LPIN1: variants seen among roughly 807,000 people sequenced by gnomAD.
LPIN1 encodes the protein phosphatidate phosphatase LPIN1.
Under a neutral mutation model 107.5 loss-of-function variants are expected in LPIN1, and 71 were observed. The observed-to-expected ratio is 0.66, with a 90% CI of 0.55 to 0.80. The LOEUF is 0.80. LPIN1 is among the 30% of genes least tolerant of loss of function. The pLI, the probability that LPIN1 is intolerant of heterozygous loss-of-function variation, is 0.00. For missense variants in LPIN1, 1,043 were observed against 1,160.6 expected, an observed-to-expected ratio of 0.90 and a Z score of 1.47; for synonymous variants, 445 against 452.6, an observed-to-expected ratio of 0.98 and a Z score of 0.21.
At chr2:11,780,026 G>A (rs1323800389) in intron 7 of LPIN1, among the ~76,000 whole-genome samples, 1 of 151,984 alleles carries the variant, frequency 6.6e-6, no homozygotes, top group Non-Finnish European at 1.5e-5. Context: ...GATTACAGGC[G>A]CATGCCACCA....
At chr2:11,758,233 G>A (rs1668973445) in intron 1 of LPIN1, among the ~76,000 whole-genome samples, 1 of 151,830 alleles carries the variant, frequency 6.6e-6, no homozygotes, top group Non-Finnish European at 1.5e-5. Flanking sequence ...CCATGGGTGT[G>A]CCAATATCTT....
At chr2:11,739,725 A>G (rs1378289807) in intron 1 of LPIN1, among the ~76,000 whole-genome samples, 1 of 152,256 alleles carries the variant, frequency 6.6e-6, no homozygotes, top group East Asian at 1.9e-4. Context: ...TCCAAACAAA[A>G]ATACTGGGCT....
chr2:11,708,864 T>C (rs1327334608), intron 1 of LPIN1, among the ~76,000 whole-genome samples: 2 of 152,098 alleles, frequency 1.3e-5, no homozygotes, highest in African/African-American at 2.4e-5. Context: ...ATAACGAATA[T>C]ATATTGAGCA....
rs924030007 is a variant in LPIN1 at position 11,697,931 on chromosome 2, C to T, written c.82-15825C>T. Reference sequence around the variant, plus strand: ...ACAAGCCAGACTAGTCACGCACCCCCGGCTGTGGGTGGCTTCCTGACCCAG... The same window carrying T: ...ACAAGCCAGACTAGTCACGCACCCCTGGCTGTGGGTGGCTTCCTGACCCAG... On this transcript the variant is annotated intron_variant, in intron 1 of 21. Coordinates refer to the LPIN1 transcript ENST00000449576. The surrounding 1 kb of genome is among the most constrained non-coding windows in gnomAD (Gnocchi z 4.6). Among the ~76,000 whole-genome samples the T allele has an allele frequency of 5.9e-5, 9 of 152,176 alleles. No individual in the cohort carries two copies. The highest frequency in any genetic ancestry group is 2.2e-4 in the African/African-American group (9 of 41,448).
chr2:11,793,120 C>T lies in LPIN1; in HGVS notation c.1806+1114C>T, dbSNP rs142945251. Among the ~76,000 whole-genome samples, 145 of 152,306 alleles carry T rather than the reference C, an allele frequency of 9.5e-4. 3 individuals are homozygous for T. The East Asian group carries it at 0.022, about 23-fold the overall frequency. Reference sequence around the variant, plus strand: ...ATGCCTCAACGTATTTCAAACTTAACGCTTCCAGAATTGAACTCATGGGAT... The same window carrying T: ...ATGCCTCAACGTATTTCAAACTTAATGCTTCCAGAATTGAACTCATGGGAT... On this transcript the variant is annotated intron_variant, in intron 13 of 20. Transcript: ENST00000674199.
intron 14 of LPIN1, among the ~76,000 whole-genome samples, chr2:11,798,365 C>A (rs1677092827): frequency 6.6e-6 from 1 of 152,172 alleles, no homozygotes; most frequent in Admixed American, 6.5e-5. Context: ...ACAGTGGGCA[C>A]AGTGGCATTG....
intron 1 of LPIN1, among the ~76,000 whole-genome samples, chr2:11,701,612 C>T (rs892132986): frequency 5.3e-5 from 8 of 152,206 alleles, no homozygotes; most frequent in African/African-American, 1.9e-4. Flanking sequence ...ATACTATGTA[C>T]TAGTTTCTAT....
intron 1 of LPIN1, among the ~76,000 whole-genome samples, chr2:11,687,919 T>C (rs1428605595): frequency 2.0e-5 from 3 of 152,254 alleles, no homozygotes; most frequent in Non-Finnish European, 4.4e-5. Context: ...CACCGGGGGC[T>C]GAAACCCAAC....
intron 12 of LPIN1, among the ~76,000 whole-genome samples, chr2:11,788,956 G>C (rs1025845422): frequency 6.6e-6 from 1 of 152,228 alleles, no homozygotes; most frequent in Non-Finnish European, 1.5e-5. Context: ...GCAGGGGAGA[G>C]TAGGTAAGTG....
At chr2:11,759,182 TTTC>T (rs1400530239) in intron 1 of LPIN1, among the ~76,000 whole-genome samples, 10 of 136,518 alleles carry the variant, frequency 7.3e-5, no homozygotes, top group South Asian at 2.3e-4. Flanking sequence ...TCTTTCTTTC[TTTC>T]TTTCTTTTCT....
At chr2:11,696,799 T>G (rs1406966502) in intron 1 of LPIN1, among the ~76,000 whole-genome samples, 3 of 152,254 alleles carry the variant, frequency 2.0e-5, no homozygotes, top group Non-Finnish European at 4.4e-5. Flanking sequence ...AGCTCCTTCC[T>G]GCTGCTTCAT....
At chr2:11,759,635 C>T (rs1010025985) in intron 1 of LPIN1, among the ~76,000 whole-genome samples, 18 of 152,372 alleles carry the variant, frequency 1.2e-4, no homozygotes, top group African/African-American at 3.8e-4. Flanking sequence ...CCACATTTCC[C>T]CCTTTTCTAT....
intron 14 of LPIN1, among the ~76,000 whole-genome samples, chr2:11,801,598 G>A (rs1031158409): frequency 3.3e-5 from 5 of 152,192 alleles, no homozygotes; most frequent in African/African-American, 1.2e-4. Flanking sequence ...CCAGAGCTGG[G>A]AAGGGTAGAG....
At chr2:11,784,196 C>G in intron 9 of LPIN1, 1 of 778,344 alleles carries the variant, frequency 1.3e-6, no homozygotes, top group Non-Finnish European at 1.8e-6. Flanking sequence ...CCCAGCTACT[C>G]GGGAGGCTGA....
At chr2:11,735,125 C>T (rs939965124) in intron 1 of LPIN1, among the ~76,000 whole-genome samples, 30 of 152,034 alleles carry the variant, frequency 2.0e-4, no homozygotes, top group Admixed American at 1.8e-3. Flanking sequence ...AACCCCGTCT[C>T]TACTAAAAAT....
chr2:11,795,574 A>C, intron 14 of LPIN1, 87 bp downstream of exon 14: 1 of 1,189,350 alleles, frequency 8.4e-7, no homozygotes, highest in Non-Finnish European at 1.3e-6. Context: ...GATAGGGTTC[A>C]CCACACAGTT....
chr2:11,700,271 C>T (rs1011494073), intron 1 of LPIN1, among the ~76,000 whole-genome samples: 2 of 152,206 alleles, frequency 1.3e-5, no homozygotes, highest in Non-Finnish European at 2.9e-5. Context: ...AGAAACATAG[C>T]TTTGCATCCC....
At chr2:11,685,438 A>T (rs1661956459) in intron 1 of LPIN1, among the ~76,000 whole-genome samples, 2 of 152,310 alleles carry the variant, frequency 1.3e-5, no homozygotes, top group African/African-American at 4.8e-5. Flanking sequence ...TGTTGCAATA[A>T]TCCAAGTGGG....
At chr2:11,693,090 T>C (rs1202978441) in intron 1 of LPIN1, among the ~76,000 whole-genome samples, 3 of 152,118 alleles carry the variant, frequency 2.0e-5, no homozygotes, top group Non-Finnish European at 2.9e-5. Context: ...ATGGGTCCGA[T>C]AGGTGGAGCT....
Sources: gnomAD v4.1 joint callset for allele counts (sites outside exome capture counted in the v4.1 genomes callset) on GRCh38, gnomAD v4.1.1 for gene constraint, Gnocchi (gnomAD v3.1) non-coding constraint, MANE v1.5 for transcripts, NCBI Gene and HGNC (gene_info 2026-07-23, HGNC 2026-07-21) for gene names.